FUT8: variants seen among roughly 807,000 people sequenced by gnomAD.
FUT8 encodes the protein alpha-(1,6)-fucosyltransferase.
In FUT8, 29 loss-of-function variants were observed where a neutral mutation model predicts 71.3. The observed-to-expected ratio is 0.41, with a 90% CI of 0.30 to 0.55. The LOEUF is 0.55. Among genes scored for constraint, FUT8 ranks in the 20% least tolerant of loss-of-function variants. The pLI, the probability that FUT8 is intolerant of heterozygous loss-of-function variation, is 0.34. For missense variants in FUT8, 544 were observed against 702.1 expected, an observed-to-expected ratio of 0.77 and a Z score of 2.55; for synonymous variants, 254 against 239.3, an observed-to-expected ratio of 1.06 and a Z score of -0.57.
At chr14:65,391,928 G>GTGTTT in the FUT8 span, among the ~76,000 whole-genome samples, 1,685 of 152,108 alleles carry the variant, frequency 0.011, 10 homozygotes, top group Non-Finnish European at 0.018. Context: ...GGCCAGCTAA[G>GTGTTT]TGTTTTGTTT....
At chr14:65,724,039 A>G (rs1895556953) in intron 8 of FUT8, 108 bp from the exon 9 acceptor site, 2 of 746,854 alleles carry the variant, frequency 2.7e-6, no homozygotes, top group Admixed American at 3.1e-5. Context: ...TGAAAGAAAA[A>G]TCAGTTAAAA....
At chr14:65,386,955 C>A in the FUT8 span, among the ~76,000 whole-genome samples, 1 of 151,394 alleles carries the variant, frequency 6.6e-6, no homozygotes, top group African/African-American at 2.4e-5. Flanking sequence ...GATTCTCCCA[C>A]CTCAGCCTCC....
chr14:65,695,613 A>C (rs1268702381), intron 7 of FUT8, among the ~76,000 whole-genome samples: 2 of 151,546 alleles, frequency 1.3e-5, no homozygotes, highest in Non-Finnish European at 2.9e-5. Context: ...CTTTTAACCT[A>C]TGTGTATATC....
chr14:65,561,234 A>G, intron 2 of FUT8, 103 bp from the exon 3 acceptor site: 1 of 231,244 alleles, frequency 4.3e-6, no homozygotes, highest in Non-Finnish European at 8.6e-6. Context: ...TTATCTTCCA[A>G]CTTGTTGGCC....
intron 6 of FUT8, among the ~76,000 whole-genome samples, chr14:65,635,450 T>C (rs1242759606): frequency 6.6e-6 from 1 of 152,184 alleles, no homozygotes; most frequent in East Asian, 1.9e-4. Flanking sequence ...CTTTTCCCCA[T>C]TTAGTATTAT....
the FUT8 span, among the ~76,000 whole-genome samples, chr14:65,389,280 C>T: frequency 2.0e-5 from 3 of 151,918 alleles, no homozygotes; most frequent in Non-Finnish European, 1.5e-5. Context: ...GTGATCGTGG[C>T]TTCCTGCAGC....
At chr14:65,594,531 C>T (rs1370960073) in intron 3 of FUT8, among the ~76,000 whole-genome samples, 2 of 152,156 alleles carry the variant, frequency 1.3e-5, no homozygotes, top group Admixed American at 1.3e-4. Context: ...CTGCCCTCTG[C>T]CAGTGAGGGC....
chr14:65,543,911 T>A (rs1023269073), intron 2 of FUT8, among the ~76,000 whole-genome samples: 2 of 152,202 alleles, frequency 1.3e-5, no homozygotes, highest in Non-Finnish European at 2.9e-5. Context: ...AAAACAGATA[T>A]GCTAAGGTAG....
At chr14:65,723,121 A>G (rs1895503628) in intron 8 of FUT8, among the ~76,000 whole-genome samples, 1 of 151,598 alleles carries the variant, frequency 6.6e-6, no homozygotes, top group Non-Finnish European at 1.5e-5. Context: ...AGAAAACTCA[A>G]CATAGGCAAC....
At chr14:65,644,079 T>A (rs11158607) in intron 6 of FUT8, among the ~76,000 whole-genome samples, 1 of 151,684 alleles carries the variant, frequency 6.6e-6, no homozygotes, top group Admixed American at 6.6e-5. Context: ...CAAGATGGAA[T>A]TTCTTCTTCC....
At chr14:65,734,633 G>T (rs1385298716) in intron 10 of FUT8, among the ~76,000 whole-genome samples, 3 of 152,260 alleles carry the variant, frequency 2.0e-5, no homozygotes, top group Non-Finnish European at 4.4e-5. Context: ...AAGGGGCAAG[G>T]TTTATAACTA....
In FUT8 at chr14:65,491,926, C is replaced by G. The variant is rs376765532; in HGVS notation, c.-228+36208C>G. Among the ~76,000 whole-genome samples the G allele has an allele frequency of 5.7e-4, 86 of 152,142 alleles. No individual in the cohort carries two copies. In the South Asian group the frequency reaches 0.017, roughly 30 times the overall value. On this transcript the variant is annotated intron_variant, in intron 2 of 10. Transcript: ENST00000673929. Reference sequence around the variant, plus strand: ...CACTGGTTCTCTCTTAAGAGAAGCTCTGGTGTCATGTGTTGTGATGTAATA... The same window carrying G: ...CACTGGTTCTCTCTTAAGAGAAGCTGTGGTGTCATGTGTTGTGATGTAATA...
chr14:65,460,290 C>T (rs2065952089), intron 2 of FUT8, among the ~76,000 whole-genome samples: 1 of 152,168 alleles, frequency 6.6e-6, no homozygotes, highest in Admixed American at 6.5e-5. Flanking sequence ...TAGCAAACAG[C>T]CTAGGAAGAT....
At chr14:65,582,354 T>C (rs905156548) in intron 3 of FUT8, among the ~76,000 whole-genome samples, 7 of 152,216 alleles carry the variant, frequency 4.6e-5, no homozygotes, top group Non-Finnish European at 1.0e-4. Flanking sequence ...TTTATAATGT[T>C]GGCGTTTCGT....
chr14:65,394,889 A>G, the FUT8 span, among the ~76,000 whole-genome samples: 1 of 151,942 alleles, frequency 6.6e-6, no homozygotes, highest in Non-Finnish European at 1.5e-5. Context: ...GACTACAGGC[A>G]TGTGCCACTA....
intron 6 of FUT8, among the ~76,000 whole-genome samples, chr14:65,646,329 A>G (rs1891123523): frequency 6.6e-6 from 1 of 152,246 alleles, no homozygotes; most frequent in South Asian, 2.1e-4. Flanking sequence ...AGAAAGCTAT[A>G]TTGCAAAATT....
At chr14:65,577,463 T>G (rs1886852721) in intron 3 of FUT8, among the ~76,000 whole-genome samples, 1 of 152,172 alleles carries the variant, frequency 6.6e-6, no homozygotes, top group Non-Finnish European at 1.5e-5. Context: ...ATGGCAATAA[T>G]ATCTATTTTG....
intron 2 of FUT8, among the ~76,000 whole-genome samples, chr14:65,461,272 G>C (rs757230692): frequency 5.3e-5 from 8 of 152,138 alleles, no homozygotes; most frequent in Non-Finnish European, 1.2e-4. Flanking sequence ...TCTTCCCTCT[G>C]TGTGTGTTTG....
At chr14:65,572,003 A>G (rs1024702371) in intron 3 of FUT8, among the ~76,000 whole-genome samples, 1 of 152,204 alleles carries the variant, frequency 6.6e-6, no homozygotes, top group African/African-American at 2.4e-5. Context: ...AGATTTAACA[A>G]TCCACTTTGC....
Sources: allele counts gnomAD v4.1 joint callset (sites outside exome capture counted in the v4.1 genomes callset), GRCh38; gene constraint gnomAD v4.1.1; transcripts MANE v1.5; gene names NCBI Gene and HGNC (gene_info 2026-07-23, HGNC 2026-07-21).